Variants in PTPN3 observed in about 807,000 individuals in gnomAD.
The protein encoded by PTPN3 is tyrosine-protein phosphatase non-receptor type 3.
In PTPN3, 96 loss-of-function variants were observed where a neutral mutation model predicts 132.7. The observed-to-expected ratio is 0.72, with a 90% CI of 0.61 to 0.86. PTPN3 has a LOEUF of 0.86. Among genes scored for constraint, PTPN3 ranks in the 40% least tolerant of loss-of-function variants. The pLI is 0.00. For missense variants in PTPN3, 1,125 were observed against 1,159.6 expected, an observed-to-expected ratio of 0.97 and a Z score of 0.43; for synonymous variants, 398 against 429.0, an observed-to-expected ratio of 0.93 and a Z score of 0.89.
At chr9:109,454,893 T>C (rs1845482653) in intron 4 of PTPN3, among the ~76,000 whole-genome samples, 1 of 152,252 alleles carries the variant, frequency 6.6e-6, no homozygotes, top group Admixed American at 6.5e-5. Flanking sequence ...ATCGGCATTA[T>C]TATGCAAAAT....
chr9:109,462,263 C>T (rs1845880849), intron 2 of PTPN3, among the ~76,000 whole-genome samples: 1 of 152,202 alleles, frequency 6.6e-6, no homozygotes, highest in Non-Finnish European at 1.5e-5. Flanking sequence ...CCCATGCCTG[C>T]TGAAAAGGAG....
intron 25 of PTPN3, among the ~76,000 whole-genome samples, chr9:109,380,718 A>G (rs1365015151): frequency 6.6e-6 from 1 of 152,230 alleles, no homozygotes; most frequent in Non-Finnish European, 1.5e-5. Flanking sequence ...AAACTACCAA[A>G]GCTTAAAAAT....
At chr9:109,459,834 G>C (rs777977611) in intron 2 of PTPN3, among the ~76,000 whole-genome samples, 14 of 151,938 alleles carry the variant, frequency 9.2e-5, no homozygotes, top group Non-Finnish European at 1.8e-4. Flanking sequence ...GCCTCCTCCC[G>C]CCTCCCTGGC....
At chr9:109,433,934 A>ATT (rs1371175535) in intron 9 of PTPN3, among the ~76,000 whole-genome samples, 4 of 151,404 alleles carry the variant, frequency 2.6e-5, no homozygotes, top group African/African-American at 9.7e-5. Context: ...AAAAAAAAAA[A>ATT]AAAAAAAAAG....
intron 8 of PTPN3, among the ~76,000 whole-genome samples, 183 bp from the exon 9 acceptor site, chr9:109,437,153 G>A (rs368285589): frequency 3.0e-5 from 2 of 67,252 alleles, no homozygotes; most frequent in East Asian, 8.6e-4. Flanking sequence ...TCCATTGAAT[G>A]TGACTCCCTC....
At position 109,410,326 on chromosome 9, in the gene PTPN3, CA is replaced by C; in HGVS notation, c.1402del (p.Cys468AlafsTer11). On this transcript the variant is annotated frameshift_variant, in exon 15 of 26. Transcript: ENST00000374541. LOFTEE classifies it high-confidence loss of function. Reference sequence around the variant, plus strand: ...CTGCTGATCAACGCCGTCAGGTGAGCAGGAGCCTGGAGCATTTGAAGATGGA... The same window carrying C: ...CTGCTGATCAACGCCGTCAGGTGAGCGGAGCCTGGAGCATTTGAAGATGGA... ...VSPSSNAPGS[C>X]SPDGVDQQLL... 6.2e-7 allele frequency: 1 copy of C among 1,614,178 alleles called. No homozygotes were observed. Among genetic ancestry groups the C allele is most frequent in the Non-Finnish European group, 8.5e-7 (1 of 1,180,032 alleles).
chr9:109,503,879 G>A, the PTPN3 span, among the ~76,000 whole-genome samples: 1 of 152,182 alleles, frequency 6.6e-6, no homozygotes, highest in South Asian at 2.1e-4. Context: ...CTATGTATCA[G>A]GCACTACTCT....
At chr9:109,520,158 C>A in the PTPN3 span, among the ~76,000 whole-genome samples, 160 of 125,394 alleles carry the variant, frequency 1.3e-3, no homozygotes, top group South Asian at 1.6e-3. Context: ...GAGTCTGTCT[C>A]AAAAAAAAAA....
Position 109,438,892 on chromosome 9 carries a change from A to C in PTPN3, c.467-658T>G, listed in dbSNP as rs74572022. Among the ~76,000 whole-genome samples the C allele has an allele frequency of 3.7e-3, 569 of 152,272 alleles. 4 individuals are homozygous for C. Among genetic ancestry groups the C allele is most frequent in the African/African-American group, 0.012 (518 of 41,544 alleles). On this transcript the variant is annotated intron_variant, in intron 7 of 25. Transcript: ENST00000374541. ...TTCCTAGGGAGAAAGACACATTCTA[A>C]GGGGAGTCAGAAGATATGAAGAGAG...
At chr9:109,400,978 G>A (rs2131695706) in intron 19 of PTPN3, among the ~76,000 whole-genome samples, 1 of 152,228 alleles carries the variant, frequency 6.6e-6, no homozygotes, top group East Asian at 1.9e-4. Context: ...GAAGACTGAA[G>A]AGGCTGGGCT....
chr9:109,406,726 C>A (rs769981858), intron 17 of PTPN3, 108 bp from the exon 18 acceptor site: 6 of 1,395,502 alleles, frequency 4.3e-6, no homozygotes, highest in Non-Finnish European at 6.0e-6. Flanking sequence ...ATCAAGTTTG[C>A]CTTCTCTCCC....
intron 22 of PTPN3, among the ~76,000 whole-genome samples, chr9:109,388,366 T>C (rs1365156887): frequency 6.6e-6 from 1 of 151,986 alleles, no homozygotes; most frequent in East Asian, 1.9e-4. Flanking sequence ...GGGCCAGAGA[T>C]AGTGAAGGGA....
At chr9:109,465,297 C>T (rs1055991884) in intron 1 of PTPN3, among the ~76,000 whole-genome samples, 3 of 152,154 alleles carry the variant, frequency 2.0e-5, no homozygotes, top group African/African-American at 7.2e-5. Flanking sequence ...CATGAAGCAG[C>T]CGGGCACGGT....
rs114319409 is a variant in PTPN3 at position 109,444,020 on chromosome 9, G to A, written c.466+1220C>T. Reference sequence around the variant, plus strand: ...AATAGGCAGACCTAGGGCCACCTCAGGAGTCCGTCAGCCTTCTCTTGCTAT... The same window carrying A: ...AATAGGCAGACCTAGGGCCACCTCAAGAGTCCGTCAGCCTTCTCTTGCTAT... On this transcript the variant is annotated intron_variant, in intron 7 of 25. Transcript: ENST00000374541. Among the ~76,000 whole-genome samples the A allele has an allele frequency of 6.0e-3, 920 of 152,272 alleles. 12 individuals are homozygous for A. Among genetic ancestry groups the A allele is most frequent in the African/African-American group, 0.021 (870 of 41,556 alleles).
At position 109,419,351 on chromosome 9, in the gene PTPN3, T is replaced by C. The variant is rs537024022; in HGVS notation, c.1313+1073A>G. 1.8e-4 allele frequency among the ~76,000 whole-genome samples: 28 copies of C among 152,338 alleles called. No individual in the cohort carries two copies. The South Asian group carries it at 5.8e-3, about 32-fold the overall frequency. On this transcript the variant is annotated intron_variant, in intron 14 of 25. Coordinates refer to ENST00000374541, the MANE Select transcript of PTPN3 (RefSeq NM_002829.4). ...GGTGCATTTGATGCTTTCAGCCTAATAGCTACAGTGGTAAAAAATTTACAG... is the reference window on the plus strand; with the variant it reads ...GGTGCATTTGATGCTTTCAGCCTAACAGCTACAGTGGTAAAAAATTTACAG...
the PTPN3 span, among the ~76,000 whole-genome samples, chr9:109,535,594 G>A: frequency 6.6e-6 from 1 of 151,576 alleles, no homozygotes; most frequent in Admixed American, 6.6e-5. Flanking sequence ...TGCAGTCTCC[G>A]CCTCCAGGTT....
chr9:109,391,274 C>G (rs1028884500), intron 20 of PTPN3, 75 bp from the exon 21 acceptor site: 1 of 1,438,748 alleles, frequency 7.0e-7, no homozygotes. Context: ...GAGTTCAGTT[C>G]CCAGCCCCAT....
chr9:109,497,439 C>G (rs1008995898), intron 1 of PTPN3, among the ~76,000 whole-genome samples: 2 of 152,182 alleles, frequency 1.3e-5, no homozygotes, highest in African/African-American at 4.8e-5. Flanking sequence ...AGGTCACCAG[C>G]TGGCCAAGGG....
intron 10 of PTPN3, chr9:109,429,060 A>T: frequency 1.0e-6 from 1 of 985,376 alleles, no homozygotes; most frequent in Non-Finnish European, 1.2e-6. Flanking sequence ...CCTGGTCCGA[A>T]CCCCAGCTCC....
Sources: allele counts gnomAD v4.1 joint callset (sites outside exome capture counted in the v4.1 genomes callset), GRCh38; gene constraint gnomAD v4.1.1; transcripts MANE v1.5; gene names NCBI Gene and HGNC (gene_info 2026-07-23, HGNC 2026-07-21).